The following PDE3B variants were observed in gnomAD, a reference collection of about 807,000 sequenced individuals.
PDE3B encodes cGMP-inhibited 3',5'-cyclic phosphodiesterase 3B.
In PDE3B, 66 loss-of-function variants were observed where a neutral mutation model predicts 116.8. The observed-to-expected ratio is 0.56, with a 90% CI of 0.46 to 0.69. The LOEUF (loss-of-function observed/expected upper bound fraction) is 0.69, where lower values mean the gene tolerates loss of function less well. PDE3B is among the 30% of genes least tolerant of loss of function. PDE3B has a pLI of 0.00. For synonymous variants in PDE3B, 595 were observed against 533.6 expected (o/e 1.12, Z -1.59); for missense variants, 1,384 against 1,368.1 (o/e 1.01, Z -0.18).
At chr11:14,776,161 C>T (rs1857778541) in intron 2 of PDE3B, 1 of 152,278 alleles carries the variant, frequency 6.6e-6, no homozygotes, top group Non-Finnish European at 1.5e-5. Context: ...CATAAGGTGA[C>T]ACAGGTAGGC....
downstream of PDE3B, among the ~76,000 whole-genome samples, chr11:14,874,986 A>G (rs1008287381): frequency 7.2e-5 from 11 of 152,230 alleles, no homozygotes; most frequent in African/African-American, 2.2e-4. Flanking sequence ...GGAGCCCTCA[A>G]TCTAGGGCAC....
At chr11:14,657,555 A>G (rs574027198) in intron 1 of PDE3B, among the ~76,000 whole-genome samples, 18 of 152,324 alleles carry the variant, frequency 1.2e-4, no homozygotes, top group Admixed American at 3.9e-4. Flanking sequence ...ACTTACATAC[A>G]CATTACTAAA....
chr11:14,868,218 C>T (rs1361574297), intron 15 of PDE3B, among the ~76,000 whole-genome samples: 1 of 152,140 alleles, frequency 6.6e-6, no homozygotes, highest in African/African-American at 2.4e-5. Context: ...GAGGTGTTGT[C>T]CTCCAGCCAG....
At chr11:14,845,564 C>A (rs1274739767) in intron 12 of PDE3B, among the ~76,000 whole-genome samples, 2 of 152,040 alleles carry the variant, frequency 1.3e-5, no homozygotes. Flanking sequence ...AAATTCAAAC[C>A]AAAGGCAAAG....
intron 1 of PDE3B, among the ~76,000 whole-genome samples, chr11:14,664,500 G>C (rs549670154): frequency 1.6e-3 from 241 of 151,346 alleles, no homozygotes; most frequent in African/African-American, 4.8e-3. Flanking sequence ...AAAGGATCAA[G>C]AAAATTGATA....
chr11:14,692,136 T>C (rs1268606681), intron 1 of PDE3B, among the ~76,000 whole-genome samples: 1 of 152,016 alleles, frequency 6.6e-6, no homozygotes, highest in Non-Finnish European at 1.5e-5. Flanking sequence ...CAGCCAGGCA[T>C]GGTGGCATGT....
chr11:14,802,556 A>G (rs879858008), intron 4 of PDE3B, among the ~76,000 whole-genome samples: 23 of 152,208 alleles, frequency 1.5e-4, no homozygotes, highest in East Asian at 5.8e-4. Flanking sequence ...TTCTGCGTCA[A>G]TCTTGCTGAG....
Position 14,747,747 on chromosome 11 carries a change from A to C in PDE3B, c.979-24190A>C, listed in dbSNP as rs576059757. Among the ~76,000 whole-genome samples, 299 of 152,258 alleles carry C rather than the reference A, an allele frequency of 2.0e-3. 1 individual carries two copies. The highest frequency in any genetic ancestry group is 6.6e-3 in the African/African-American group (275 of 41,558). On this transcript the variant is annotated intron_variant, in intron 1 of 15. Coordinates refer to ENST00000282096, the MANE Select transcript of PDE3B (RefSeq NM_000922.4). ...GCTTAAAAATTAATTCATTTAAAAT[A>C]TTTCTTATTTTTTAACTTCCATATT...
intron 1 of PDE3B, among the ~76,000 whole-genome samples, chr11:14,694,024 G>C (rs1052439837): frequency 2.6e-5 from 4 of 152,184 alleles, no homozygotes; most frequent in Non-Finnish European, 5.9e-5. Context: ...GACTTTGAGG[G>C]GTTCAAGATG....
At chr11:14,885,911 T>A in the PDE3B span, 5 of 1,613,196 alleles carry the variant, frequency 3.1e-6, no homozygotes, top group Non-Finnish European at 4.2e-6. Flanking sequence ...AGATCTAAAC[T>A]GAAGATCTTT....
At chr11:14,690,994 T>C (rs1175410385) in intron 1 of PDE3B, among the ~76,000 whole-genome samples, 2 of 151,960 alleles carry the variant, frequency 1.3e-5, no homozygotes, top group African/African-American at 2.4e-5. Flanking sequence ...AACATGCAAA[T>C]AGCACAGAAG....
intron 1 of PDE3B, among the ~76,000 whole-genome samples, chr11:14,678,186 G>A (rs150514228): frequency 1.3e-4 from 20 of 152,080 alleles, no homozygotes; most frequent in East Asian, 1.9e-4. Context: ...TTAGCCTCCC[G>A]GACTGCTGGG....
chr11:14,715,434 C>A (rs889344521), intron 1 of PDE3B, among the ~76,000 whole-genome samples: 1 of 152,032 alleles, frequency 6.6e-6, no homozygotes, highest in East Asian at 1.9e-4. Flanking sequence ...CTTTTATTTC[C>A]TTGAGCAGTG....
At chr11:14,805,013 G>A (rs1357710340) in intron 5 of PDE3B, among the ~76,000 whole-genome samples, 1 of 152,096 alleles carries the variant, frequency 6.6e-6, no homozygotes, top group Non-Finnish European at 1.5e-5. Flanking sequence ...ACAGAACAAA[G>A]TTTAAAAGAC....
At chr11:14,827,209 A>G (rs1447311685) in intron 7 of PDE3B, among the ~76,000 whole-genome samples, 2 of 152,208 alleles carry the variant, frequency 1.3e-5, no homozygotes, top group South Asian at 4.1e-4. Context: ...CACAGCCAAC[A>G]TCACACTGAA....
chr11:14,721,804 T>G (rs1246757882), intron 1 of PDE3B, among the ~76,000 whole-genome samples: 1 of 110,224 alleles, frequency 9.1e-6, no homozygotes, highest in Non-Finnish European at 1.8e-5. Context: ...AGGGGTAGCA[T>G]TGGGAGATAT....
At chr11:14,736,481 C>T (rs896885355) in intron 1 of PDE3B, among the ~76,000 whole-genome samples, 2 of 152,154 alleles carry the variant, frequency 1.3e-5, no homozygotes, top group African/African-American at 4.8e-5. Context: ...GTACTTTTTA[C>T]TGACAAGAGT....
At chr11:14,716,336 C>G (rs1279471395) in intron 1 of PDE3B, among the ~76,000 whole-genome samples, 25 of 152,212 alleles carry the variant, frequency 1.6e-4, no homozygotes, top group Non-Finnish European at 2.9e-4. Context: ...GGCAGCGAGG[C>G]TGGGGGAGGG....
chr11:14,863,333 C>T (rs2133992928), intron 14 of PDE3B, among the ~76,000 whole-genome samples: 1 of 152,254 alleles, frequency 6.6e-6, no homozygotes, highest in Non-Finnish European at 1.5e-5. Flanking sequence ...CCTATTTCTC[C>T]ACATCCTCTC....
Sources: gnomAD v4.1 joint callset for allele counts (sites outside exome capture counted in the v4.1 genomes callset) on GRCh38, gnomAD v4.1.1 for gene constraint, MANE v1.5 for transcripts, NCBI Gene and HGNC (gene_info 2026-07-23, HGNC 2026-07-21) for gene names.